RPS6KC1: variants seen among roughly 807,000 people sequenced by gnomAD.
RPS6KC1 encodes the protein inactive ribosomal protein S6 kinase delta-1.
Under a neutral mutation model 103.8 loss-of-function variants are expected in RPS6KC1, and 54 were observed. The observed-to-expected ratio is 0.52, with a 90% CI of 0.42 to 0.65. The LOEUF (loss-of-function observed/expected upper bound fraction) is 0.65. Among genes scored for constraint, RPS6KC1 ranks in the 30% least tolerant of loss-of-function variants. The probability of loss-of-function intolerance (pLI) is 0.00; values close to 1 mark genes in which losing one functional copy is unlikely to be tolerated. For missense variants in RPS6KC1, 1,151 were observed against 1,253.8 expected (o/e 0.92, Z 1.24); for synonymous variants, 439 against 438.7 (o/e 1.00, Z -0.01).
At chr1:213,825,068 G>A in the RPS6KC1 span, among the ~76,000 whole-genome samples, 180 of 152,262 alleles carry the variant, frequency 1.2e-3, 1 homozygote, top group Non-Finnish European at 2.1e-3. Flanking sequence ...AAGTAAGAGA[G>A]CAAGCAAAAA....
the RPS6KC1 span, among the ~76,000 whole-genome samples, chr1:213,583,941 T>G: frequency 2.0e-5 from 3 of 151,962 alleles, no homozygotes; most frequent in Non-Finnish European, 4.4e-5. Flanking sequence ...GGAATTTGCA[T>G]CTTGATATGG....
intron 8 of RPS6KC1, among the ~76,000 whole-genome samples, chr1:213,216,100 A>G (rs1042503201): frequency 5.3e-5 from 8 of 152,232 alleles, no homozygotes; most frequent in African/African-American, 9.6e-5. Flanking sequence ...ATAAAGAGTC[A>G]AGACCCATCA....
At chr1:213,414,779 T>G in the RPS6KC1 span, among the ~76,000 whole-genome samples, 1 of 119,520 alleles carries the variant, frequency 8.4e-6, no homozygotes, top group African/African-American at 3.3e-5. Flanking sequence ...ATGATTTAGA[T>G]GGGTAACTGG....
At chr1:213,394,790 G>A in the RPS6KC1 span, among the ~76,000 whole-genome samples, 2 of 152,198 alleles carry the variant, frequency 1.3e-5, no homozygotes. Context: ...GCACTCGCAA[G>A]TCTAGGAAGC....
At chr1:213,223,031 A>G (rs751855857) in intron 8 of RPS6KC1, among the ~76,000 whole-genome samples, 3 of 151,936 alleles carry the variant, frequency 2.0e-5, no homozygotes, top group Admixed American at 1.3e-4. Context: ...GTCTAGTACT[A>G]TTTTCTCTAG....
the RPS6KC1 span, among the ~76,000 whole-genome samples, chr1:213,558,477 C>A: frequency 6.6e-6 from 1 of 152,152 alleles, no homozygotes; most frequent in Non-Finnish European, 1.5e-5. Context: ...TCTCTACATC[C>A]CTAGTGAGCA....
intron 8 of RPS6KC1, among the ~76,000 whole-genome samples, chr1:213,213,250 G>A (rs1257061096): frequency 6.6e-6 from 1 of 152,122 alleles, no homozygotes; most frequent in Non-Finnish European, 1.5e-5. Flanking sequence ...TTTGTTAAGG[G>A]TGTAAGGTCT....
chr1:213,051,530 G>A, intron 1 of RPS6KC1, 21 bp downstream of exon 1: 1 of 1,562,016 alleles, frequency 6.4e-7, no homozygotes, highest in Non-Finnish European at 8.8e-7. Flanking sequence ...GTGTCGGGCT[G>A]GGGTAGAGCT....
chr1:213,104,448 T>C lies in RPS6KC1; in HGVS notation c.263-6T>C, dbSNP rs2082287751. 3 of 1,576,880 alleles carry C rather than the reference T, an allele frequency of 1.9e-6. No homozygotes were observed. The highest frequency in any genetic ancestry group is 8.7e-7 in the Non-Finnish European group (1 of 1,147,904). On this transcript the variant is annotated splice_polypyrimidine_tract_variant and splice_region_variant and intron_variant, in intron 3 of 14. Coordinates refer to ENST00000366960, the MANE Select transcript of RPS6KC1 (RefSeq NM_012424.6). The stretch of plus-strand genomic sequence containing the variant: ...CCCTTAAGTGTTGATTCTTATTTAA[T>C]TGTAGGGCGATTTGATGAAACTGTT...
chr1:213,184,446 A>G (rs1315255922), intron 8 of RPS6KC1, among the ~76,000 whole-genome samples: 2 of 152,034 alleles, frequency 1.3e-5, no homozygotes, highest in Non-Finnish European at 2.9e-5. Flanking sequence ...TATCTTTTCA[A>G]GAAAACCAAC....
At chr1:213,327,460 T>G in the RPS6KC1 span, among the ~76,000 whole-genome samples, 4 of 152,224 alleles carry the variant, frequency 2.6e-5, no homozygotes, top group Non-Finnish European at 4.4e-5. Flanking sequence ...CCATGGGGCC[T>G]CTGACTCACA....
At chr1:213,194,801 C>T (rs1316089347) in intron 8 of RPS6KC1, among the ~76,000 whole-genome samples, 7 of 152,188 alleles carry the variant, frequency 4.6e-5, no homozygotes, top group African/African-American at 1.7e-4. Flanking sequence ...TACATGTACC[C>T]CCTGTCCCCA....
At chr1:213,643,409 A>T in the RPS6KC1 span, among the ~76,000 whole-genome samples, 2 of 151,690 alleles carry the variant, frequency 1.3e-5, no homozygotes, top group Non-Finnish European at 2.9e-5. Flanking sequence ...TGATATTTTG[A>T]AGGGTATTAT....
chr1:213,500,523 A>G, the RPS6KC1 span, among the ~76,000 whole-genome samples: 11 of 152,236 alleles, frequency 7.2e-5, no homozygotes, highest in African/African-American at 2.4e-4. Flanking sequence ...ATAGTTGTTT[A>G]TTATTATCAA....
the RPS6KC1 span, among the ~76,000 whole-genome samples, chr1:213,345,259 A>G: frequency 6.6e-6 from 1 of 152,234 alleles, no homozygotes; most frequent in African/African-American, 2.4e-5. Flanking sequence ...CATCGTAAAA[A>G]TGTCCCAATT....
At chr1:213,503,071 T>A in the RPS6KC1 span, among the ~76,000 whole-genome samples, 2 of 152,112 alleles carry the variant, frequency 1.3e-5, no homozygotes, top group Non-Finnish European at 2.9e-5. Context: ...TGGCTTTTTT[T>A]TTCTTTTGTA....
At chr1:213,395,457 G>C in the RPS6KC1 span, among the ~76,000 whole-genome samples, 2 of 152,186 alleles carry the variant, frequency 1.3e-5, no homozygotes, top group Non-Finnish European at 2.9e-5. Flanking sequence ...ACCTCTGACA[G>C]TGCCCCTTGT....
At chr1:213,788,567 A>G in the RPS6KC1 span, among the ~76,000 whole-genome samples, 2 of 152,086 alleles carry the variant, frequency 1.3e-5, no homozygotes, top group Non-Finnish European at 2.9e-5. Context: ...GCACACATTT[A>G]TCAGTTCCAT....
chr1:213,404,217 C>T, the RPS6KC1 span, among the ~76,000 whole-genome samples: 1 of 152,134 alleles, frequency 6.6e-6, no homozygotes, highest in Non-Finnish European at 1.5e-5. Context: ...CCGTGGGCTG[C>T]CTTCGGCGGG....
Sources: gnomAD v4.1 joint callset for allele counts (sites outside exome capture counted in the v4.1 genomes callset) on GRCh38, gnomAD v4.1.1 for gene constraint, MANE v1.5 for transcripts, NCBI Gene and HGNC (gene_info 2026-07-23, HGNC 2026-07-21) for gene names.